SLC39A13: variants seen among roughly 807,000 people sequenced by gnomAD.
SLC39A13 encodes zinc transporter ZIP13.
In SLC39A13, 18 loss-of-function variants were observed where a neutral mutation model predicts 38.7. The observed-to-expected ratio is 0.47, with a 90% CI of 0.32 to 0.69. The LOEUF is 0.69. Among genes scored for constraint, SLC39A13 ranks in the 30% least tolerant of loss-of-function variants. The probability of loss-of-function intolerance (pLI) is 0.03; values close to 1 mark genes in which losing one functional copy is unlikely to be tolerated. For missense variants in SLC39A13, 395 were observed against 490.7 expected (o/e 0.80, Z 1.84); for synonymous variants, 212 against 219.1 (o/e 0.97, Z 0.29).
At chr11:47,412,284 C>A in intron 3 of SLC39A13, 62 bp from the exon 4 acceptor site, 2 of 1,564,368 alleles carry the variant, frequency 1.3e-6, no homozygotes. Context: ...TTCCAAATGG[C>A]CCCCTCCTAT....
At position 47,410,392 on chromosome 11, in the gene SLC39A13, G is replaced by A; in HGVS notation, c.298G>A (p.Glu100Lys). The change falls in exon 2 of 10, where the codon GAA becomes AAA. Residue 100 changes from glutamate (E) to lysine (K), a missense_variant. Transcript: ENST00000362021. ...PLEMGTMLRS[E>K]AGAWRLKQLL... Reference sequence around the variant, plus strand: ...AGAGATGGGGACCATGCTGCGCTCAGAAGGTAGGTGACTCTCCGGTGGCGC... The same window carrying A: ...AGAGATGGGGACCATGCTGCGCTCAAAAGGTAGGTGACTCTCCGGTGGCGC... 6.2e-7 allele frequency: 1 copy of A among 1,613,948 alleles called. No individual in the cohort carries two copies. Among genetic ancestry groups the A allele is most frequent in the Non-Finnish European group, 8.5e-7 (1 of 1,179,982 alleles).
At position 47,414,433 on chromosome 11, in the gene SLC39A13, C is replaced by T; in HGVS notation, c.744C>T (p.Leu248=). Residue 248 remains leucine (L), a synonymous_variant, in exon 7 of 10, where the codon CTC becomes CTT. Coordinates refer to ENST00000362021, the MANE Select transcript of SLC39A13 (RefSeq NM_001128225.3). ...ASFLVSKKIG[L]LTTMAILLHE... ...GGCTCCCCTCCCTGCAGATCGGGCT[C>T]CTGACAACCATGGCCATCCTCCTGC... The T allele has an allele frequency of 1.9e-6, 3 of 1,611,202 alleles. No homozygotes were observed. The highest frequency in any genetic ancestry group is 2.5e-6 in the Non-Finnish European group (3 of 1,178,920).
At chr11:47,414,504 G>A (rs2153301031) in intron 7 of SLC39A13, 29 bp downstream of exon 7, 1 of 1,608,854 alleles carries the variant, frequency 6.2e-7, no homozygotes, top group East Asian at 2.2e-5. Context: ...GCCCCCAGGG[G>A]CCCAGGCCCC....
chr11:47,411,790 G>T lies in SLC39A13; in HGVS notation c.302-136G>T, dbSNP rs1035711458. On this transcript the variant is annotated intron_variant, in intron 2 of 9. Coordinates refer to ENST00000362021, the MANE Select transcript of SLC39A13 (RefSeq NM_001128225.3). The stretch of plus-strand genomic sequence containing the variant: ...CAGGGTGTGGTGTTTCTGCTGTGAG[G>T]TGGGGGACCCAGGAAGAGCAGCCAC... 7.5e-6 allele frequency: 6 copies of T among 795,972 alleles called. No homozygotes were observed. In the Admixed American group the frequency reaches 1.2e-4, roughly 16 times the overall value. The allele number at this position is 795,972 out of a possible 1,614,324, so 49.3% of individuals were successfully genotyped here.
chr11:47,412,119 AC>A, intron 3 of SLC39A13, 80 bp downstream of exon 3: 1 of 1,459,514 alleles, frequency 6.9e-7, no homozygotes, highest in Non-Finnish European at 9.4e-7. Flanking sequence ...GGCCAGGATG[AC>A]CAGGAGAGGG....
At chr11:47,412,181 C>G in intron 3 of SLC39A13, 142 bp downstream of exon 3, 1 of 1,283,742 alleles carries the variant, frequency 7.8e-7, no homozygotes, top group Non-Finnish European at 1.1e-6. Flanking sequence ...GGGTCATTGT[C>G]CTGGTCTCTG....
Position 47,408,680 on chromosome 11 carries a change from C to A in SLC39A13, c.-9+18C>A. 1 of 153,162 alleles carries A rather than the reference C, an allele frequency of 6.5e-6. No homozygotes were observed. Among genetic ancestry groups the A allele is most frequent in the South Asian group, 1.8e-4 (1 of 5,566 alleles). 9.5% of individuals were successfully genotyped at this position (153,162 alleles called of 1,614,324 possible). Reference sequence around the variant, plus strand: ...GCCGCACGGTGAGTGCCAGCAGGACCCTCGGGGCCCGCGCCCCGGGCGTGA... The same window carrying A: ...GCCGCACGGTGAGTGCCAGCAGGACACTCGGGGCCCGCGCCCCGGGCGTGA... On this transcript the variant is annotated intron_variant, in intron 1 of 9. Transcript: ENST00000362021.
In SLC39A13 at chr11:47,415,179, A is replaced by T. The variant is rs1261460265; in HGVS notation, c.1040+20A>T. 1.2e-6 allele frequency: 2 copies of T among 1,611,492 alleles called. No homozygotes were observed. The highest frequency in any genetic ancestry group is 1.1e-5 in the South Asian group (1 of 90,810). Reference sequence around the variant, plus strand: ...CCCGTGGTGAGTGACCTGTTGGAGGAAGAGGACTGCCACTCACAGGGCCCT... The same window carrying T: ...CCCGTGGTGAGTGACCTGTTGGAGGTAGAGGACTGCCACTCACAGGGCCCT... On this transcript the variant is annotated intron_variant, in intron 9 of 9. Transcript: ENST00000362021.
At chr11:47,408,404 C>G (rs1474300834), upstream of SLC39A13, among the ~76,000 whole-genome samples, 4 of 152,074 alleles carry the variant, frequency 2.6e-5, no homozygotes, top group Non-Finnish European at 4.4e-5. Context: ...GCAGCCCTGC[C>G]CAAACGGAAG....
At chr11:47,412,572 C>T (rs2096005194) in intron 4 of SLC39A13, 105 bp downstream of exon 4, 2 of 1,580,920 alleles carry the variant, frequency 1.3e-6, no homozygotes, top group Admixed American at 1.7e-5. Flanking sequence ...AGAGGGGTCT[C>T]CTGGCCCTCT....
At position 47,412,055 on chromosome 11, in the gene SLC39A13, C is replaced by G. The variant is rs765260943; in HGVS notation, c.415+16C>G. 1 of 1,597,808 alleles carries G rather than the reference C, an allele frequency of 6.3e-7. No homozygotes were observed. Among genetic ancestry groups the G allele is most frequent in the Non-Finnish European group, 8.5e-7 (1 of 1,172,354 alleles). On this transcript the variant is annotated intron_variant, in intron 3 of 9. Transcript: ENST00000362021. ...GCCAGCCCTGGTAAGTGAGGCCACA[C>G]GCCAGGGGCAAGACAGTGCCAGGAG...
chr11:47,407,780 T>A (rs538436067), upstream of SLC39A13, among the ~76,000 whole-genome samples: 13 of 152,342 alleles, frequency 8.5e-5, no homozygotes, highest in African/African-American at 3.1e-4. Context: ...AGTGAGATAG[T>A]GCGAGTAAAG....
intron 6 of SLC39A13, 33 bp downstream of exon 6, chr11:47,413,719 A>T (rs2096011338): frequency 2.5e-6 from 4 of 1,604,670 alleles, no homozygotes; most frequent in Non-Finnish European, 3.4e-6. Flanking sequence ...GGCTCTGGCG[A>T]TTCCAGTGGC....
At chr11:47,413,194 T>G (rs1396591182) in intron 4 of SLC39A13, among the ~76,000 whole-genome samples, 1 of 152,012 alleles carries the variant, frequency 6.6e-6, no homozygotes, top group Non-Finnish European at 1.5e-5. Flanking sequence ...TTAGTAGAGG[T>G]GGGGTTTCAC....
At chr11:47,409,332 A>C (rs1172727184) in intron 1 of SLC39A13, 1 of 152,186 alleles carries the variant, frequency 6.6e-6, no homozygotes, top group Non-Finnish European at 1.5e-5. Context: ...GCGCCTCCTC[A>C]TGCCGGGTAC....
At chr11:47,411,821 T>A in intron 2 of SLC39A13, 105 bp from the exon 3 acceptor site, 1 of 1,124,262 alleles carries the variant, frequency 8.9e-7, no homozygotes, top group Non-Finnish European at 1.3e-6. Flanking sequence ...GCCACCCATA[T>A]CCAGCCTTGC....
At chr11:47,414,174 TG>T in intron 6 of SLC39A13, 1 of 613,074 alleles carries the variant, frequency 1.6e-6, no homozygotes. Context: ...CCTGCTCCCC[TG>T]GGCACTCTAT....
chr11:47,410,015 A>C (rs2095989463), intron 1 of SLC39A13, 72 bp from the exon 2 acceptor site: 7 of 1,567,668 alleles, frequency 4.5e-6, no homozygotes, highest in South Asian at 1.1e-5. Flanking sequence ...GGGAGGAGGG[A>C]GGCGCCACGT....
chr11:47,412,248 G>A, intron 3 of SLC39A13, 98 bp from the exon 4 acceptor site: 1 of 1,495,098 alleles, frequency 6.7e-7, no homozygotes, highest in Non-Finnish European at 9.1e-7. Flanking sequence ...CCTTGTCACT[G>A]CCCTGGTGCC....
Sources: gnomAD v4.1 joint callset for allele counts (sites outside exome capture counted in the v4.1 genomes callset) on GRCh38, gnomAD v4.1.1 for gene constraint, MANE v1.5 for transcripts, NCBI Gene and HGNC (gene_info 2026-07-23, HGNC 2026-07-21) for gene names.